The following DUSP16 variants were observed in gnomAD, a reference collection of about 807,000 sequenced individuals.
The protein encoded by DUSP16 is dual specificity protein phosphatase 16.
A neutral mutation model predicts 58.3 loss-of-function variants in DUSP16; 21 were observed. The ratio of observed to expected loss-of-function variants is 0.36; its 90% CI spans 0.26 to 0.52. The LOEUF is 0.52. DUSP16 is among the 20% of genes least tolerant of loss of function. The pLI is 0.94. For missense variants in DUSP16, 726 were observed against 819.0 expected (o/e 0.89, Z 1.39); for synonymous variants, 320 against 323.8 (o/e 0.99, Z 0.12).
chr12:12,525,198 A>C (rs969509602), intron 1 of DUSP16, among the ~76,000 whole-genome samples: 3 of 152,348 alleles, frequency 2.0e-5, no homozygotes, highest in African/African-American at 7.2e-5. Flanking sequence ...ATTTAATTAG[A>C]AAATGAATCA....
chr12:12,491,628 T>C (rs1943761586), intron 4 of DUSP16: 1 of 152,170 alleles, frequency 6.6e-6, no homozygotes, highest in Admixed American at 6.5e-5. Context: ...TTAGCTCAAC[T>C]TTGTGCTAAG....
intron 1 of DUSP16, among the ~76,000 whole-genome samples, chr12:12,543,840 T>G (rs1231703095): frequency 6.6e-6 from 1 of 151,996 alleles, no homozygotes; most frequent in Non-Finnish European, 1.5e-5. Context: ...TTCTATTTAT[T>G]TATGAGGCCA....
In DUSP16 at chr12:12,477,735, C is replaced by G; in HGVS notation, c.1096G>C (p.Val366Leu). Residue 366 changes from valine (V) to leucine (L), a missense_variant, in exon 7 of 7, where the codon GTG (valine) becomes CTG (leucine). By Grantham distance (32) the Val-to-Leu change is conservative. Coordinates refer to ENST00000298573, the MANE Select transcript of DUSP16 (RefSeq NM_030640.3). This position sits in a 1 kb window ranked among gnomAD's most constrained non-coding sequence, Gnocchi z 4.1. ...CTGTCCTCTAACAGCGACGGCTGCACGCTGGGCACGCTGGGCACGCTGGCG... is the reference window on the plus strand; with the variant it reads ...CTGTCCTCTAACAGCGACGGCTGCAGGCTGGGCACGCTGGGCACGCTGGCG... Reference protein sequence around the residue: ...HPASVPSVPSVQPSLLEDSPL... With the variant: ...HPASVPSVPSLQPSLLEDSPL... 7.0e-7 allele frequency: 1 copy of G among 1,431,978 alleles called. No individual in the cohort carries two copies. The highest frequency in any genetic ancestry group is 9.0e-7 in the Non-Finnish European group (1 of 1,112,186). The allele number at this position is 1,431,978 out of a possible 1,614,324, so 88.7% of individuals were successfully genotyped here.
rs965394082 is a variant in DUSP16 at position 12,473,938 on chromosome 12, T to C, written c.*2895A>G. Among the ~76,000 whole-genome samples the C allele has an allele frequency of 1.3e-5, 2 of 152,206 alleles. No homozygotes were observed. Among genetic ancestry groups the C allele is most frequent in the Non-Finnish European group, 2.9e-5 (2 of 68,038 alleles). ...ATGTACTTGTGTGTTCTGGAATCAG[T>C]CAGCTAGAAAATATTTACCAAGTGT... On this transcript the variant is annotated 3_prime_UTR_variant, in exon 7 of 7. Coordinates refer to ENST00000298573, the MANE Select transcript of DUSP16 (RefSeq NM_030640.3).
At chr12:12,544,055 G>T (rs998313494) in intron 1 of DUSP16, among the ~76,000 whole-genome samples, 3 of 151,928 alleles carry the variant, frequency 2.0e-5, no homozygotes, top group African/African-American at 7.3e-5. Context: ...ACAGCTCAAA[G>T]AATTTTTATA....
rs200519285 is a variant in DUSP16, at chr12:12,477,489, C to T, written c.1342G>A (p.Val448Ile). The change falls in exon 7 of 7, where the codon GTT (valine) becomes ATT (isoleucine). Residue 448 changes from valine to isoleucine, a missense_variant. By Grantham distance (29) the Val-to-Ile change is conservative. Coordinates refer to ENST00000298573, the MANE Select transcript of DUSP16 (RefSeq NM_030640.3). This position sits in a 1 kb window ranked among gnomAD's most constrained non-coding sequence, Gnocchi z 4.1. ...GGAGTCTGCTCCGATAGTTCCTGAA[C>T]AGGGGAGAACTGGCATAGCTTGTTG... ...GTNKLCQFSPVQELSEQTPET... is the reference protein window; with the variant it reads ...GTNKLCQFSPIQELSEQTPET... 2 of 1,596,222 alleles carry T rather than the reference C, an allele frequency of 1.3e-6. No individual in the cohort carries two copies. The highest frequency in any genetic ancestry group is 1.7e-6 in the Non-Finnish European group (2 of 1,170,048).
intron 1 of DUSP16, among the ~76,000 whole-genome samples, chr12:12,524,843 G>T (rs544643936): frequency 2.0e-5 from 3 of 152,022 alleles, no homozygotes; most frequent in Non-Finnish European, 1.5e-5. Flanking sequence ...TAGTATGAAC[G>T]TGTACAGTTT....
At chr12:12,483,959 AAAGTAT>A (rs1943627456) in intron 5 of DUSP16, among the ~76,000 whole-genome samples, 1 of 81,838 alleles carries the variant, frequency 1.2e-5, no homozygotes, top group Non-Finnish European at 3.2e-5. Context: ...CCTAAAACTT[AAAGTAT>A]AATAATAAAT....
At chr12:12,486,481 AGTGTGTGTGTGTGTGTGTGTGTGTGT>A (rs56941943) in intron 5 of DUSP16, among the ~76,000 whole-genome samples, 7,043 of 147,368 alleles carry the variant, frequency 0.048, 237 homozygotes, top group Non-Finnish European at 0.078. Flanking sequence ...ACCAAATGAG[AGTGTGTGTGTGTGTGTGTGTGTGTGT>A]GTGTGTGTGT....
intron 1 of DUSP16, among the ~76,000 whole-genome samples, chr12:12,529,197 C>T (rs1944348082): frequency 6.6e-6 from 1 of 152,164 alleles, no homozygotes; most frequent in Non-Finnish European, 1.5e-5. Flanking sequence ...CTGCAACCTT[C>T]AACTCCTGGG....
intron 1 of DUSP16, among the ~76,000 whole-genome samples, chr12:12,546,499 T>C (rs542751631): frequency 6.6e-6 from 1 of 152,340 alleles, no homozygotes. Context: ...GCCTCAGTCC[T>C]TCCATTACCT....
intron 1 of DUSP16, chr12:12,560,774 T>TAAA (rs1944886923): frequency 6.6e-6 from 1 of 152,222 alleles, no homozygotes; most frequent in South Asian, 2.1e-4. Flanking sequence ...ACCTTAACTT[T>TAAA]AAAAAGCCCT....
In DUSP16 at chr12:12,514,412, C is replaced by T. The variant is rs141130608; in HGVS notation, c.367+5450G>A. Among the ~76,000 whole-genome samples the T allele has an allele frequency of 4.4e-3, 664 of 152,326 alleles. 5 individuals are homozygous for T. Among genetic ancestry groups the T allele is most frequent in the African/African-American group, 0.015 (628 of 41,568 alleles). On this transcript the variant is annotated intron_variant, in intron 3 of 6. Transcript: ENST00000298573. ...ATACAGAGCCTGTGCTCAGGTAATA[C>T]CTTTACCACTAGGACCTAGTTTTTC...
intron 4 of DUSP16, among the ~76,000 whole-genome samples, chr12:12,499,909 T>A (rs1943885250): frequency 6.6e-6 from 1 of 152,082 alleles, no homozygotes; most frequent in Admixed American, 6.5e-5. Context: ...AATGTGTTCC[T>A]CCATTAGGGC....
Position 12,480,277 on chromosome 12 carries a change from ATGG to A in DUSP16, c.758_760del (p.Thr253del). ...CCTCTTCATGATGTAGGCGATAGCG[ATGG>A]TGGCGGAGCGGGAGATCCCAGCTAA... On this transcript the variant is annotated inframe_deletion, in exon 6 of 7. Coordinates refer to ENST00000298573, the MANE Select transcript of DUSP16 (RefSeq NM_030640.3). 2 of 1,614,234 alleles carry A rather than the reference ATGG, an allele frequency of 1.2e-6. No individual in the cohort carries two copies. Among genetic ancestry groups the A allele is most frequent in the Non-Finnish European group, 1.7e-6 (2 of 1,180,034 alleles).
intron 1 of DUSP16, among the ~76,000 whole-genome samples, chr12:12,559,222 A>G (rs561078225): frequency 6.6e-6 from 1 of 152,326 alleles, no homozygotes; most frequent in East Asian, 1.9e-4. Flanking sequence ...TTTCCTAATT[A>G]TGTTTTTGTT....
chr12:12,554,192 G>T, intron 1 of DUSP16, among the ~76,000 whole-genome samples: 1 of 95,588 alleles, frequency 1.0e-5, no homozygotes, highest in African/African-American at 4.6e-5. Flanking sequence ...GTGAAACTGG[G>T]TCTCAAAAAA....
At chr12:12,488,935 C>T (rs1373840654) in intron 4 of DUSP16, among the ~76,000 whole-genome samples, 1 of 152,086 alleles carries the variant, frequency 6.6e-6, no homozygotes, top group Non-Finnish European at 1.5e-5. Flanking sequence ...CAAAATTATC[C>T]AGGTGTGGTG....
rs114570704 is a variant in DUSP16, at chr12:12,491,788, T to G, written c.532-4601A>C. ...TAGCCTGGTCTCTGTCATTACCAAT[T>G]ACCACAAACCCTCCATAATCTTGAT... On this transcript the variant is annotated intron_variant, in intron 4 of 6. Transcript: ENST00000298573. Among the ~76,000 whole-genome samples the G allele has an allele frequency of 3.5e-3, 540 of 152,258 alleles. 3 individuals are homozygous for G. Among genetic ancestry groups the G allele is most frequent in the African/African-American group, 0.012 (505 of 41,566 alleles).
Sources: gnomAD v4.1 joint callset for allele counts (sites outside exome capture counted in the v4.1 genomes callset) on GRCh38, gnomAD v4.1.1 for gene constraint, Gnocchi (gnomAD v3.1) non-coding constraint, MANE v1.5 for transcripts, NCBI Gene and HGNC (gene_info 2026-07-23, HGNC 2026-07-21) for gene names.